The following PCDHA8 variants were observed in gnomAD, a reference collection of about 807,000 sequenced individuals.
The protein encoded by PCDHA8 is protocadherin alpha 8, also known as protocadherin alpha-8.
PCDHA8 carries 53 observed loss-of-function variants against 61.8 expected under a neutral mutation model. The observed-to-expected ratio is 0.86, with a 90% CI of 0.69 to 1.08. PCDHA8 has a LOEUF of 1.08. Among genes scored for constraint, PCDHA8 ranks in the 50% least tolerant of loss-of-function variants. PCDHA8 has a pLI of 0.00. For missense variants in PCDHA8, 1,293 were observed against 1,245.0 expected, an observed-to-expected ratio of 1.04 and a Z score of -0.58; for synonymous variants, 618 against 556.6, an observed-to-expected ratio of 1.11 and a Z score of -1.55.
At chr5:140,947,095 A>T (rs2094086285) in intron 1 of PCDHA8, among the ~76,000 whole-genome samples, 1 of 151,642 alleles carries the variant, frequency 6.6e-6, no homozygotes, top group Non-Finnish European at 1.5e-5. Flanking sequence ...ACTGTAGCCC[A>T]TAAATAGGTA....
intron 1 of PCDHA8, among the ~76,000 whole-genome samples, chr5:140,901,191 C>A (rs2153472732): frequency 6.6e-6 from 1 of 152,084 alleles, no homozygotes; most frequent in Non-Finnish European, 1.5e-5. Context: ...GTTTGCTTTT[C>A]TGTGCAGAAG....
chr5:141,007,551 GA>G (rs1554261384), intron 3 of PCDHA8, among the ~76,000 whole-genome samples: 1 of 152,140 alleles, frequency 6.6e-6, no homozygotes, highest in African/African-American at 2.4e-5. Flanking sequence ...TTGGGCAACA[GA>G]GCAAGGCTCT....
intron 1 of PCDHA8, chr5:140,852,581 TA>T (rs1417948618): frequency 2.2e-5 from 18 of 832,290 alleles, no homozygotes; most frequent in South Asian, 5.3e-5. Flanking sequence ...AAGGCTTTTT[TA>T]TTTTTTTTTT....
At chr5:140,856,890 G>T in intron 1 of PCDHA8, 2 of 1,596,172 alleles carry the variant, frequency 1.3e-6, no homozygotes, top group Non-Finnish European at 1.7e-6. Context: ...TATTCATTTA[G>T]CTCTTTGGTC....
At chr5:140,921,965 A>T (rs1459699467) in intron 1 of PCDHA8, among the ~76,000 whole-genome samples, 1 of 152,112 alleles carries the variant, frequency 6.6e-6, no homozygotes. Flanking sequence ...AGAAAACCAA[A>T]GGAAAAAATA....
chr5:140,927,191 T>C, intron 1 of PCDHA8: 16 of 1,614,144 alleles, frequency 9.9e-6, no homozygotes, highest in Non-Finnish European at 1.4e-5. Context: ...TACGACCTGG[T>C]GCTCGAGGAC....
rs781787163 is a variant in PCDHA8, at chr5:140,869,186, G to A, written c.2394+25471G>A. 7 of 1,614,006 alleles carry A rather than the reference G, an allele frequency of 4.3e-6. No individual in the cohort carries two copies. The South Asian group carries it at 4.4e-5, about 10-fold the overall frequency. ...CTCCTCGAATTCTGGGAGGTGGGGA[G>A]CGGCCAGCTCCACTACTCCGTCTCG... On this transcript the variant is annotated intron_variant, in intron 1 of 3. Transcript: ENST00000531613.
At chr5:140,983,783 G>A (rs2097068046) in intron 3 of PCDHA8, among the ~76,000 whole-genome samples, 1 of 152,130 alleles carries the variant, frequency 6.6e-6, no homozygotes, top group Non-Finnish European at 1.5e-5. Context: ...ATACATAACA[G>A]ATGACAGAAT....
chr5:140,843,464 C>T lies in PCDHA8; in HGVS notation c.2143C>T (p.Leu715=). The change falls in exon 1 of 4, where the codon CTG becomes TTG. Residue 715 remains leucine, a synonymous_variant. Transcript: ENST00000531613. ...GGTATCCAGCCTGCTGGTGCTCACG[C>T]TGCTGCTGTACACTGCGCTGCGGTG... The part of the protein sequence containing the change: ...CAVSSLLVLT[L]LLYTALRCSA... 3.1e-6 allele frequency: 5 copies of T among 1,596,058 alleles called. 1 individual carries two copies. The highest frequency in any genetic ancestry group is 4.3e-6 in the Non-Finnish European group (5 of 1,165,644).
At chr5:140,857,858 G>A in intron 1 of PCDHA8, 3 of 1,597,854 alleles carry the variant, frequency 1.9e-6, no homozygotes, top group Non-Finnish European at 2.6e-6. Context: ...TGGATACAAC[G>A]CGTGGCTGTC....
In PCDHA8 at chr5:140,850,224, G is replaced by A. The variant is rs2150474394; in HGVS notation, c.2394+6509G>A. On this transcript the variant is annotated intron_variant, in intron 1 of 3. Coordinates refer to ENST00000531613, the MANE Select transcript of PCDHA8 (RefSeq NM_018911.3). ...TCGGATGAGGGGCACTGACGGCGCAGTGAGCGAGATGGTGCTGCGGTCGGT... is the reference window on the plus strand; with the variant it reads ...TCGGATGAGGGGCACTGACGGCGCAATGAGCGAGATGGTGCTGCGGTCGGT... 9.3e-5 allele frequency: 148 copies of A among 1,593,886 alleles called. 13 individuals carry two copies. The highest frequency in any genetic ancestry group is 1.2e-4 in the Non-Finnish European group (142 of 1,167,688).
intron 1 of PCDHA8, chr5:140,866,360 T>C (rs2049301570): frequency 6.6e-6 from 1 of 152,128 alleles, no homozygotes; most frequent in South Asian, 2.1e-4. Context: ...GTTTACAATA[T>C]TGCATACTTC....
At position 141,011,322 on chromosome 5, in the gene PCDHA8, C is replaced by T. The variant is rs1210973958; in HGVS notation, c.*1385C>T. The T allele has an allele frequency of 2.0e-5, 3 of 153,698 alleles. No individual in the cohort carries two copies. The highest frequency in any genetic ancestry group is 7.2e-5 in the African/African-American group (3 of 41,430). The allele number at this position is 153,698 out of a possible 1,614,324, so 9.5% of individuals were successfully genotyped here. On this transcript the variant is annotated 3_prime_UTR_variant, in exon 4 of 4. Coordinates refer to ENST00000531613, the MANE Select transcript of PCDHA8 (RefSeq NM_018911.3). Reference sequence around the variant, plus strand: ...CTCTGAATTGCTAATCTTACTAACACCTATGATGTTACCTGAAATCAATCT... The same window carrying T: ...CTCTGAATTGCTAATCTTACTAACATCTATGATGTTACCTGAAATCAATCT...
At position 140,843,178 on chromosome 5, in the gene PCDHA8, C is replaced by A. The variant is rs2150354589; in HGVS notation, c.1857C>A (p.Arg619=). 1 of 1,596,102 alleles carries A rather than the reference C, an allele frequency of 6.3e-7. No individual in the cohort carries two copies. The highest frequency in any genetic ancestry group is 2.2e-5 in the East Asian group (1 of 44,814). Residue 619 remains arginine (R), a synonymous_variant, in exon 1 of 4, where the codon CGC becomes CGA. Transcript: ENST00000531613. ...YELQPAASSP[R]IPFRVGLYTG... ...TGCAGCCAGCTGCAAGCAGCCCTCG[C>A]ATCCCGTTCCGCGTGGGGCTGTACA... is the stretch of plus-strand genomic sequence containing the variant.
intron 3 of PCDHA8, among the ~76,000 whole-genome samples, chr5:140,996,976 G>A (rs573896136): frequency 2.6e-5 from 4 of 152,078 alleles, no homozygotes; most frequent in East Asian, 3.9e-4. Flanking sequence ...CTCCCCTTTG[G>A]TGAAGCAACC....
rs2150314479 is a variant in PCDHA8 at position 140,841,381 on chromosome 5, C to T, written c.60C>T (p.Leu20=). 1 of 1,613,486 alleles carries T rather than the reference C, an allele frequency of 6.2e-7. No individual in the cohort carries two copies. The highest frequency in any genetic ancestry group is 8.5e-7 in the Non-Finnish European group (1 of 1,179,832). Residue 20 remains leucine, a synonymous_variant, in exon 1 of 4, where the codon CTC becomes CTT. Coordinates refer to ENST00000531613, the MANE Select transcript of PCDHA8 (RefSeq NM_018911.3). The part of the protein sequence containing the change: ...GSWRLLLLLL[L]LAAWKVGSGQ... ...GGCGACTACTACTCTTGCTTCTGCT[C>T]CTCGCAGCCTGGAAGGTGGGGAGCG...
rs538322622 is a variant in PCDHA8 at position 140,884,083 on chromosome 5, G to T, written c.2394+40368G>T. 35 of 1,613,596 alleles carry T rather than the reference G, an allele frequency of 2.2e-5. No individual in the cohort carries two copies. The South Asian group carries it at 3.6e-4, about 17-fold the overall frequency. On this transcript the variant is annotated intron_variant, in intron 1 of 3. Coordinates refer to ENST00000531613, the MANE Select transcript of PCDHA8 (RefSeq NM_018911.3). The stretch of plus-strand genomic sequence containing the variant: ...TGGACGCCGATTCGGGCTACAATGC[G>T]TGGCTTTCGTATGAATTGCAGCTGG...
rs200597765 is a variant in PCDHA8, at chr5:140,848,761, G to T, written c.2394+5046G>T. 1.1e-5 allele frequency: 18 copies of T among 1,593,344 alleles called. 1 individual carries two copies. The highest frequency in any genetic ancestry group is 1.0e-4 in the Admixed American group (6 of 59,114). On this transcript the variant is annotated intron_variant, in intron 1 of 3. Coordinates refer to ENST00000531613, the MANE Select transcript of PCDHA8 (RefSeq NM_018911.3). ...AATGGCATTTTGTTTGTGAATTCTCGGATCGACCGCGAGGAGCTGTGCGGG... is the reference window on the plus strand; with the variant it reads ...AATGGCATTTTGTTTGTGAATTCTCTGATCGACCGCGAGGAGCTGTGCGGG...
chr5:140,932,469 A>T (rs1356318037), intron 1 of PCDHA8, among the ~76,000 whole-genome samples: 12 of 152,030 alleles, frequency 7.9e-5, no homozygotes, highest in African/African-American at 2.4e-4. Context: ...TATATAGGAA[A>T]TAGGATATCT....
Sources: allele counts gnomAD v4.1 joint callset (sites outside exome capture counted in the v4.1 genomes callset), GRCh38; gene constraint gnomAD v4.1.1; transcripts MANE v1.5; gene names NCBI Gene and HGNC (gene_info 2026-07-23, HGNC 2026-07-21).